The following ITPRID1 variants were observed in gnomAD, a reference collection of about 807,000 sequenced individuals.
The protein encoded by ITPRID1 is ITPR interacting domain containing 1, also known as protein ITPRID1.
In ITPRID1, 96 loss-of-function variants were observed where a neutral mutation model predicts 95.4. That is an observed-to-expected ratio of 1.01 (90% CI 0.85 to 1.19). ITPRID1 has a LOEUF of 1.19. Among genes scored for constraint, ITPRID1 ranks in the 50% most tolerant of loss-of-function variants. The probability of loss-of-function intolerance (pLI) is 0.00; values close to 1 mark genes in which losing one functional copy is unlikely to be tolerated. For missense variants in ITPRID1, 1,339 were observed against 1,252.9 expected, an observed-to-expected ratio of 1.07 and a Z score of -1.04; for synonymous variants, 510 against 453.6, an observed-to-expected ratio of 1.12 and a Z score of -1.58.
At chr7:31,638,183 G>C (rs1391202916) in intron 10 of ITPRID1, among the ~76,000 whole-genome samples, 2 of 152,168 alleles carry the variant, frequency 1.3e-5, no homozygotes, top group African/African-American at 4.8e-5. Context: ...GTTGATATAA[G>C]GAGGAAAACG....
intron 10 of ITPRID1, among the ~76,000 whole-genome samples, chr7:31,584,605 TA>T (rs1309641383): frequency 6.6e-6 from 1 of 152,168 alleles, no homozygotes; most frequent in Admixed American, 6.5e-5. Flanking sequence ...GAGAGCAAAG[TA>T]AGGTAGGTGA....
chr7:31,599,659 C>CCTTTCTTT lies in ITPRID1; in HGVS notation c.1228+16474_1228+16475insTTCTTTCT, dbSNP rs751758816. Among the ~76,000 whole-genome samples, 198 of 31,758 alleles carry CCTTTCTTT rather than the reference C, an allele frequency of 6.2e-3. 10 individuals are homozygous for CCTTTCTTT. Among genetic ancestry groups the CCTTTCTTT allele is most frequent in the Admixed American group, 8.0e-3 (21 of 2,634 alleles). The allele number at this position is 31,758 out of a possible 152,430, so 20.8% of individuals were successfully genotyped here. On this transcript the variant is annotated intron_variant, in intron 10 of 14. Coordinates refer to ENST00000615280, the MANE Select transcript of ITPRID1 (RefSeq NM_001257967.3). ...TTTCTTTCTTTCTTTTTCTTTCTTT[C>CCTTTCTTT]CTTTCTCTCTCTCTCTCTCTCTCTC...
chr7:31,588,790 A>G (rs556277711), intron 10 of ITPRID1, among the ~76,000 whole-genome samples: 6 of 152,172 alleles, frequency 3.9e-5, no homozygotes, highest in Non-Finnish European at 7.4e-5. Context: ...CAAATCTCTA[A>G]CTAACTGTTG....
chr7:31,637,660 C>A (rs768092197), intron 10 of ITPRID1, among the ~76,000 whole-genome samples: 2 of 152,076 alleles, frequency 1.3e-5, no homozygotes, highest in Non-Finnish European at 2.9e-5. Flanking sequence ...GAGTAGATTG[C>A]GAAAATTTTC....
At chr7:31,649,803 T>C (rs1790792385) in intron 12 of ITPRID1, among the ~76,000 whole-genome samples, 1 of 152,200 alleles carries the variant, frequency 6.6e-6, no homozygotes, top group East Asian at 1.9e-4. Flanking sequence ...TGCCGGCAAA[T>C]GGACTGGGCT....
At position 31,643,001 on chromosome 7, in the gene ITPRID1, T is replaced by C. The variant is rs746208214; in HGVS notation, c.1631T>C (p.Leu544Pro). Residue 544 changes from leucine (L) to proline (P), a missense_variant, in exon 12 of 15, where the codon CTG becomes CCG. Leu to Pro is a moderately conservative substitution (Grantham distance 98). Transcript: ENST00000615280. Reference sequence around the variant, plus strand: ...AAAGACAGCCATCTGTGGCAGCTTCTGCCAATGCCCCATGCTGAGTATGAG... The same window carrying C: ...AAAGACAGCCATCTGTGGCAGCTTCCGCCAATGCCCCATGCTGAGTATGAG... ...PRKDSHLWQL[L>P]PMPHAEYEVT... The C allele has an allele frequency of 6.2e-7, 1 of 1,614,030 alleles. No homozygotes were observed. The highest frequency in any genetic ancestry group is 1.7e-5 in the Admixed American group (1 of 60,034).
At chr7:31,567,634 C>G (rs929588376) in intron 5 of ITPRID1, among the ~76,000 whole-genome samples, 1 of 150,526 alleles carries the variant, frequency 6.6e-6, no homozygotes, top group Admixed American at 6.6e-5. Flanking sequence ...CAGGCTTGAG[C>G]GCAGTGGCGC....
chr7:31,533,802 T>C (rs1783675475), intron 1 of ITPRID1, among the ~76,000 whole-genome samples: 1 of 152,226 alleles, frequency 6.6e-6, no homozygotes, highest in South Asian at 2.1e-4. Flanking sequence ...ATTTAATGTA[T>C]CTGAATACAT....
intron 10 of ITPRID1, among the ~76,000 whole-genome samples, chr7:31,633,125 T>TCTGC (rs557359761): frequency 6.6e-6 from 1 of 152,198 alleles, no homozygotes; most frequent in South Asian, 2.1e-4. Context: ...GACCTCGTGA[T>TCTGC]CTGCCTGCCT....
chr7:31,578,272 G>A lies in ITPRID1; in HGVS notation c.1008G>A (p.Gln336=). Residue 336 remains glutamine (Q), a synonymous_variant, in exon 9 of 15, where the codon CAG becomes CAA. Coordinates refer to ENST00000615280, the MANE Select transcript of ITPRID1 (RefSeq NM_001257967.3). ...CTCCTCATGGTCTTCTGAGCAAGCAGTGGCCTTGCTCATCTATGCCGGCCA... is the reference window on the plus strand; with the variant it reads ...CTCCTCATGGTCTTCTGAGCAAGCAATGGCCTTGCTCATCTATGCCGGCCA... The part of the protein sequence containing the change: ...PYPPHGLLSK[Q]WPCSSMPAKQ... The A allele has an allele frequency of 6.2e-7, 1 of 1,613,930 alleles. No homozygotes were observed. The highest frequency in any genetic ancestry group is 8.5e-7 in the Non-Finnish European group (1 of 1,179,850).
intron 10 of ITPRID1, among the ~76,000 whole-genome samples, chr7:31,625,828 T>TAA (rs544684335): frequency 1.2e-4 from 18 of 151,942 alleles, no homozygotes; most frequent in African/African-American, 4.1e-4. Flanking sequence ...TCTTTTTTTT[T>TAA]AAATTTTTTC....
intron 10 of ITPRID1, among the ~76,000 whole-genome samples, chr7:31,585,544 A>G (rs994349696): frequency 5.9e-5 from 9 of 152,200 alleles, no homozygotes; most frequent in Non-Finnish European, 2.9e-5. Context: ...ATTCTCTAAG[A>G]CTAGGACTTT....
Position 31,655,028 on chromosome 7 carries a change from C to T in ITPRID1, c.*2199C>T, listed in dbSNP as rs763297838. 1.2e-4 allele frequency among the ~76,000 whole-genome samples: 19 copies of T among 152,124 alleles called. No individual in the cohort carries two copies. Among genetic ancestry groups the T allele is most frequent in the Admixed American group, 9.2e-4 (14 of 15,260 alleles). On this transcript the variant is annotated 3_prime_UTR_variant, in exon 15 of 15. Transcript: ENST00000615280. ...CTGAATTCTCTTCTCTTTCTCCATT[C>T]CTCTGTCCTCAGTATACACACACAC...
At chr7:31,598,691 C>A (rs914432134) in intron 10 of ITPRID1, among the ~76,000 whole-genome samples, 10 of 152,032 alleles carry the variant, frequency 6.6e-5, no homozygotes, top group African/African-American at 2.4e-4. Context: ...GCGTGAGCCA[C>A]CGCGCTCGGT....
chr7:31,552,934 CTT>C (rs1386656830), intron 2 of ITPRID1, 66 bp from the exon 3 acceptor site: 1 of 1,473,504 alleles, frequency 6.8e-7, no homozygotes, highest in Admixed American at 2.1e-5. Flanking sequence ...TTCTTTCTCC[CTT>C]TCACTGAGCC....
chr7:31,552,248 G>T (rs1784305068), intron 2 of ITPRID1, among the ~76,000 whole-genome samples: 1 of 142,710 alleles, frequency 7.0e-6, no homozygotes, highest in African/African-American at 2.5e-5. Context: ...CATCCTATAG[G>T]ATATATAGCA....
intron 1 of ITPRID1, among the ~76,000 whole-genome samples, chr7:31,542,143 T>C (rs1189855922): frequency 1.3e-5 from 2 of 152,212 alleles, no homozygotes; most frequent in African/African-American, 4.8e-5. Context: ...GTTACACTAT[T>C]AACTTTTAGC....
rs540361711 is a variant in ITPRID1, at chr7:31,572,032, G to A, written c.309-70G>A. 39 of 975,738 alleles carry A rather than the reference G, an allele frequency of 4.0e-5. No homozygotes were observed. The South Asian group carries it at 5.2e-4, about 13-fold the overall frequency. The allele number at this position is 975,738 out of a possible 1,614,324, so 60.4% of individuals were successfully genotyped here. ...GCAAATGTTTGCTCTGGAAGGAAAAGATTCACAATGACCTCCCAGGAGACT... is the reference window on the plus strand; with the variant it reads ...GCAAATGTTTGCTCTGGAAGGAAAAAATTCACAATGACCTCCCAGGAGACT... On this transcript the variant is annotated intron_variant, in intron 6 of 14. Transcript: ENST00000615280.
rs141401903 is a variant in ITPRID1, at chr7:31,638,416, A to G, written c.1229-3760A>G. ...CATCAGAGTTAAAGGAAAATCAGGC[A>G]GCACCTTTTCTACAAACTATCCGGT... On this transcript the variant is annotated intron_variant, in intron 10 of 14. Transcript: ENST00000615280. Among the ~76,000 whole-genome samples, 384 of 152,354 alleles carry G rather than the reference A, an allele frequency of 2.5e-3. 3 individuals carry two copies. Among genetic ancestry groups the G allele is most frequent in the African/African-American group, 8.9e-3 (372 of 41,590 alleles).
Sources: gnomAD v4.1 joint callset for allele counts (sites outside exome capture counted in the v4.1 genomes callset) on GRCh38, gnomAD v4.1.1 for gene constraint, MANE v1.5 for transcripts, NCBI Gene and HGNC (gene_info 2026-07-23, HGNC 2026-07-21) for gene names.